Variants in CNIH3 observed in about 807,000 individuals in gnomAD.
CNIH3 encodes the protein protein cornichon homolog 3.
In CNIH3, 14 loss-of-function variants were observed where a neutral mutation model predicts 24.1. The observed-to-expected ratio is 0.58, with a 90% CI of 0.38 to 0.91. The LOEUF is 0.91. CNIH3 is among the 40% of genes least tolerant of loss of function. The pLI is 0.00. For missense variants in CNIH3, 178 were observed against 196.8 expected (o/e 0.90, Z 0.57); for synonymous variants, 68 against 73.8 (o/e 0.92, Z 0.40).
intron 3 of CNIH3, among the ~76,000 whole-genome samples, chr1:224,594,984 G>A (rs1572546806): frequency 1.3e-5 from 2 of 152,216 alleles, no homozygotes; most frequent in Non-Finnish European, 2.9e-5. Context: ...AGAACCTTGT[G>A]TTGAGCAAGT....
chr1:224,643,665 G>A (rs1313845538), intron 1 of CNIH3, among the ~76,000 whole-genome samples: 2 of 152,220 alleles, frequency 1.3e-5, no homozygotes, highest in Non-Finnish European at 2.9e-5. Context: ...AGTTTGAAGG[G>A]TGAGAATAAT....
chr1:224,525,275 C>T (rs1678801117), intron 2 of CNIH3, among the ~76,000 whole-genome samples: 1 of 152,196 alleles, frequency 6.6e-6, no homozygotes, highest in Non-Finnish European at 1.5e-5. Context: ...TGTCATGCAA[C>T]TTTTAACTAA....
intron 3 of CNIH3, among the ~76,000 whole-genome samples, chr1:224,725,831 A>G (rs771855251): frequency 1.1e-4 from 17 of 151,850 alleles, no homozygotes; most frequent in Admixed American, 2.0e-4. Flanking sequence ...TCCCCTTCCT[A>G]CTTCTTTTCC....
intron 1 of CNIH3, among the ~76,000 whole-genome samples, chr1:224,467,555 C>A (rs1402148515): frequency 1.3e-5 from 2 of 152,184 alleles, no homozygotes; most frequent in East Asian, 3.8e-4. Context: ...TCCTGAGTTG[C>A]TGGGATTACA....
chr1:224,469,743 A>G (rs7541403), intron 1 of CNIH3, among the ~76,000 whole-genome samples: 127,091 of 152,124 alleles, frequency 0.84, 53,467 homozygotes, highest in East Asian at 0.97. Context: ...TCTTAAAGAG[A>G]CATAAATAAT....
intron 1 of CNIH3, among the ~76,000 whole-genome samples, chr1:224,503,574 G>A (rs1304592760): frequency 1.3e-5 from 2 of 152,210 alleles, no homozygotes; most frequent in African/African-American, 4.8e-5. Flanking sequence ...TCTCATGGGC[G>A]GTTGTCCAGC....
At chr1:224,446,210 TTG>T (rs1285552372) in intron 1 of CNIH3, among the ~76,000 whole-genome samples, 7 of 101,150 alleles carry the variant, frequency 6.9e-5, no homozygotes, top group South Asian at 9.6e-4. Context: ...TATTTCAACT[TTG>T]TTTTTTTTTT....
intron 3 of CNIH3, among the ~76,000 whole-genome samples, chr1:224,554,784 A>G (rs1680067616): frequency 6.6e-6 from 1 of 152,046 alleles, no homozygotes; most frequent in African/African-American, 2.4e-5. Context: ...ATGGGGTCTC[A>G]CTATGTTGCC....
intron 4 of CNIH3, among the ~76,000 whole-genome samples, chr1:224,731,875 T>C (rs1238650509): frequency 2.0e-5 from 3 of 152,154 alleles, no homozygotes; most frequent in Admixed American, 6.5e-5. Context: ...AGTTGCTCAG[T>C]GAGGTTGGAT....
At chr1:224,729,026 C>G (rs1359490883) in intron 3 of CNIH3, among the ~76,000 whole-genome samples, 1 of 152,002 alleles carries the variant, frequency 6.6e-6, no homozygotes, top group Non-Finnish European at 1.5e-5. Flanking sequence ...GGAAAGTACC[C>G]CTGGGAGGGG....
chr1:224,489,473 T>C (rs1338448843), intron 1 of CNIH3, among the ~76,000 whole-genome samples: 2 of 152,236 alleles, frequency 1.3e-5, no homozygotes, highest in Non-Finnish European at 2.9e-5. Context: ...TTTGGGGGCT[T>C]TCCCTCAGGA....
At position 224,486,317 on chromosome 1, in the gene CNIH3, T is replaced by C. The variant is rs901307098; in HGVS notation, n.204-29424T>C. ...TTGTGGAGATAGGGCCTTGCCATGT[T>C]ACCCAGGCTGTTCTCAAACTCCTGG... On this transcript the variant is annotated intron_variant and non_coding_transcript_variant, in intron 1 of 5. Coordinates refer to the CNIH3 transcript ENST00000471578. Among the ~76,000 whole-genome samples the C allele has an allele frequency of 2.0e-5, 3 of 151,970 alleles. No homozygotes were observed. The East Asian group carries it at 5.8e-4, about 29-fold the overall frequency.
At chr1:224,444,076 A>G (rs573395113) in intron 1 of CNIH3, among the ~76,000 whole-genome samples, 1 of 152,222 alleles carries the variant, frequency 6.6e-6, no homozygotes, top group African/African-American at 2.4e-5. Context: ...TATGATAGCT[A>G]TCATCTATGC....
At chr1:224,543,337 G>A (rs1157931408) in intron 2 of CNIH3, among the ~76,000 whole-genome samples, 5 of 152,120 alleles carry the variant, frequency 3.3e-5, no homozygotes, top group Admixed American at 6.5e-5. Context: ...CTTCGGATTT[G>A]TATCCTTTAT....
chr1:224,642,750 T>C (rs1684419923), intron 1 of CNIH3, among the ~76,000 whole-genome samples: 1 of 152,260 alleles, frequency 6.6e-6, no homozygotes, highest in African/African-American at 2.4e-5. Context: ...GCGTTTCTGA[T>C]TTCTCATTGT....
chr1:224,662,263 C>T (rs1339214154), intron 1 of CNIH3, among the ~76,000 whole-genome samples: 1 of 152,076 alleles, frequency 6.6e-6, no homozygotes, highest in African/African-American at 2.4e-5. Context: ...TTTTAGCAGT[C>T]TAGATTACGT....
rs138570616 is a variant in CNIH3, at chr1:224,439,821, C to T, written n.203+4959C>T. On this transcript the variant is annotated intron_variant and non_coding_transcript_variant, in intron 1 of 5. Coordinates refer to the CNIH3 transcript ENST00000471578. ...TTTTGTTTTTTGAGATGGGGTCTCG[C>T]TCTGTCGCCCAGGCTGGAGTGCAGT... is the stretch of plus-strand genomic sequence containing the variant. Among the ~76,000 whole-genome samples, 461 of 151,728 alleles carry T rather than the reference C, an allele frequency of 3.0e-3. 1 individual carries two copies. The highest frequency in any genetic ancestry group is 0.01 in the African/African-American group (427 of 41,362).
chr1:224,568,066 C>A (rs376652705), intron 4 of CNIH3, among the ~76,000 whole-genome samples: 4 of 151,884 alleles, frequency 2.6e-5, no homozygotes, highest in African/African-American at 4.8e-5. Flanking sequence ...ACAAGGCGGG[C>A]GGATCACGAG....
At chr1:224,508,071 ACTG>A (rs1558117304) in intron 1 of CNIH3, among the ~76,000 whole-genome samples, 1 of 152,174 alleles carries the variant, frequency 6.6e-6, no homozygotes. Context: ...TCCATTTGAG[ACTG>A]CTATTTTCTG....
Sources: allele counts gnomAD v4.1 joint callset (sites outside exome capture counted in the v4.1 genomes callset), GRCh38; gene constraint gnomAD v4.1.1; transcripts MANE v1.5; gene names NCBI Gene and HGNC (gene_info 2026-07-23, HGNC 2026-07-21).